Variants in PLEKHM1 observed in about 807,000 individuals in gnomAD.
The protein encoded by PLEKHM1 is pleckstrin homology domain-containing family M member 1.
Under a neutral mutation model 94.3 loss-of-function variants are expected in PLEKHM1, and 28 were observed. The ratio of observed to expected loss-of-function variants is 0.30; its 90% CI spans 0.22 to 0.41. PLEKHM1 has a LOEUF of 0.41. Among genes scored for constraint, PLEKHM1 ranks in the 10% least tolerant of loss-of-function variants. The probability of loss-of-function intolerance (pLI) is 1.00; values close to 1 mark genes in which losing one functional copy is unlikely to be tolerated. For synonymous variants in PLEKHM1, 424 were observed against 581.2 expected, an observed-to-expected ratio of 0.73 and a Z score of 3.89; for missense variants, 907 against 1,358.6, an observed-to-expected ratio of 0.67 and a Z score of 5.22.
intron 5 of PLEKHM1, among the ~76,000 whole-genome samples, chr17:45,461,647 G>T (rs2051155082): frequency 6.6e-6 from 1 of 152,108 alleles, no homozygotes; most frequent in African/African-American, 2.4e-5. Context: ...CCTGCTTTTG[G>T]GTTTGAGATG....
At chr17:45,435,604 G>A (rs1458073753), downstream of PLEKHM1, among the ~76,000 whole-genome samples, 4 of 152,194 alleles carry the variant, frequency 2.6e-5, no homozygotes, top group Admixed American at 6.5e-5. Context: ...AGAAGCCACC[G>A]GCGTGGGATC....
At chr17:45,462,137 C>T (rs2051170165) in intron 5 of PLEKHM1, among the ~76,000 whole-genome samples, 2 of 152,138 alleles carry the variant, frequency 1.3e-5, no homozygotes, top group African/African-American at 2.4e-5. Context: ...AGATGCTACA[C>T]GACTCCTCAA....
At chr17:45,482,828 T>C (rs1356085464) in intron 1 of PLEKHM1, among the ~76,000 whole-genome samples, 2 of 151,716 alleles carry the variant, frequency 1.3e-5, no homozygotes, top group Non-Finnish European at 2.9e-5. Context: ...CCCTGTAGGA[T>C]TGAAACCTGT....
chr17:45,441,833 G>A (rs796246966), intron 9 of PLEKHM1, among the ~76,000 whole-genome samples: 47 of 152,316 alleles, frequency 3.1e-4, no homozygotes, highest in African/African-American at 8.9e-4. Context: ...GTCCTCTGGC[G>A]TGAGGCTGGC....
At chr17:45,439,863 G>A (rs958631221) in intron 10 of PLEKHM1, among the ~76,000 whole-genome samples, 17 of 152,200 alleles carry the variant, frequency 1.1e-4, no homozygotes, top group African/African-American at 3.9e-4. Flanking sequence ...GGGGCTAATG[G>A]GATTTATAGC....
rs1165096207 is a variant in PLEKHM1, at chr17:45,458,213, G to C, written c.1535C>G (p.Ser512Cys). 1.9e-6 allele frequency: 3 copies of C among 1,613,550 alleles called. No homozygotes were observed. The South Asian group carries it at 3.3e-5, about 18-fold the overall frequency. The change falls in exon 6 of 12, where the codon TCC (serine) becomes TGC (cysteine). Residue 512 changes from serine to cysteine, a missense_variant. By Grantham distance (112) the Ser-to-Cys change is moderately radical. Transcript: ENST00000430334. ...PGRRQAQAAP[S>C]QGHKSFRVVH... Reference sequence around the variant, plus strand: ...CACCCGGAAGCTCTTATGCCCCTGGGATGGGGCTGCCTGGGCTTGCCTTCT... The same window carrying C: ...CACCCGGAAGCTCTTATGCCCCTGGCATGGGGCTGCCTGGGCTTGCCTTCT...
chr17:45,436,174 C>T lies in PLEKHM1; in HGVS notation c.*1684G>A. On this transcript the variant is annotated 3_prime_UTR_variant, in exon 12 of 12. Coordinates refer to ENST00000430334, the MANE Select transcript of PLEKHM1 (RefSeq NM_014798.3). Reference sequence around the variant, plus strand: ...CTCCGAGGGCACCTTCGGGGAGAATCCTCACAGGCCCAAGCCCTCCCCAGG... The same window carrying T: ...CTCCGAGGGCACCTTCGGGGAGAATTCTCACAGGCCCAAGCCCTCCCCAGG... 2.2e-6 allele frequency: 1 copy of T among 455,006 alleles called. No individual in the cohort carries two copies. Among genetic ancestry groups the T allele is most frequent in the South Asian group, 1.6e-5 (1 of 64,512 alleles). The allele number at this position is 455,006 out of a possible 1,614,324, so 28.2% of individuals were successfully genotyped here. A position where few individuals can be genotyped will look rare whatever the true frequency, so the allele number is the denominator to read the frequency against.
At chr17:45,486,319 A>C (rs999745884) in intron 1 of PLEKHM1, among the ~76,000 whole-genome samples, 2 of 151,310 alleles carry the variant, frequency 1.3e-5, no homozygotes, top group African/African-American at 4.8e-5. Context: ...GCGGTGGCTC[A>C]CGCCTGTAAT....
intron 8 of PLEKHM1, among the ~76,000 whole-genome samples, chr17:45,448,290 G>A (rs1025002742): frequency 3.3e-5 from 5 of 152,250 alleles, no homozygotes; most frequent in East Asian, 1.9e-4. Flanking sequence ...CACTGAGAGC[G>A]AGGGCGGGGA....
intron 1 of PLEKHM1, chr17:45,487,617 A>T: frequency 2.3e-6 from 1 of 436,474 alleles, no homozygotes; most frequent in South Asian, 1.6e-5. Flanking sequence ...AGGAAGGAAC[A>T]GTTCCGGTTG....
In PLEKHM1 at chr17:45,475,621, G is replaced by A. The variant is rs1351985524; in HGVS notation, c.402C>T (p.Tyr134=). 1.2e-6 allele frequency: 2 copies of A among 1,614,062 alleles called. No individual in the cohort carries two copies. The highest frequency in any genetic ancestry group is 1.7e-6 in the Non-Finnish European group (2 of 1,179,978). ...LALNDGLMEC[Y]LKLLLQEQAR... is the part of the protein sequence containing the mutation. Reference sequence around the variant, plus strand: ...CCTGCTCCTGCAGCAGCAGCTTCAGGTAGCACTCCATCAGGCCATCGTTCA... The same window carrying A: ...CCTGCTCCTGCAGCAGCAGCTTCAGATAGCACTCCATCAGGCCATCGTTCA... Residue 134 remains tyrosine, a synonymous_variant, in exon 4 of 12, where the codon TAC becomes TAT. Transcript: ENST00000430334.
intron 1 of PLEKHM1, among the ~76,000 whole-genome samples, chr17:45,486,322 C>A (rs1031180069): frequency 5.3e-5 from 8 of 151,238 alleles, no homozygotes; most frequent in Non-Finnish European, 1.0e-4. Context: ...GTGGCTCACG[C>A]CTGTAATCCC....
At chr17:45,463,594 T>C (rs1442051087) in intron 5 of PLEKHM1, among the ~76,000 whole-genome samples, 2 of 152,198 alleles carry the variant, frequency 1.3e-5, no homozygotes, top group Non-Finnish European at 2.9e-5. Flanking sequence ...GGTTTCACCA[T>C]ATTGGTCAGG....
intron 6 of PLEKHM1, chr17:45,454,657 A>G (rs1197828717): frequency 4.7e-6 from 2 of 428,934 alleles, no homozygotes; most frequent in African/African-American, 4.0e-5. Flanking sequence ...AAGGACAAGG[A>G]GCAGTCCTCT....
At chr17:45,440,619 T>C (rs1373239437) in intron 9 of PLEKHM1, among the ~76,000 whole-genome samples, 2 of 152,236 alleles carry the variant, frequency 1.3e-5, no homozygotes, top group African/African-American at 4.8e-5. Context: ...CATTCATTCA[T>C]TTGATCCTCA....
intron 1 of PLEKHM1, among the ~76,000 whole-genome samples, chr17:45,490,012 T>A: frequency 1.3e-5 from 2 of 152,122 alleles, no homozygotes; most frequent in Admixed American, 1.3e-4. Flanking sequence ...AGGTATACAG[T>A]GGCTAGGAGA....
intron 4 of PLEKHM1, among the ~76,000 whole-genome samples, chr17:45,474,462 C>T (rs1285657135): frequency 2.0e-5 from 3 of 152,228 alleles, no homozygotes; most frequent in African/African-American, 7.2e-5. Context: ...CTGTCCCCAC[C>T]TGTCCACCAC....
At chr17:45,464,362 A>G (rs1482347384) in intron 5 of PLEKHM1, among the ~76,000 whole-genome samples, 3 of 152,238 alleles carry the variant, frequency 2.0e-5, no homozygotes, top group East Asian at 1.9e-4. Context: ...AAATGTTTTT[A>G]AAAGAAAGAC....
At chr17:45,489,885 A>T (rs2052254315) in intron 1 of PLEKHM1, among the ~76,000 whole-genome samples, 1 of 151,954 alleles carries the variant, frequency 6.6e-6, no homozygotes, top group African/African-American at 2.4e-5. Flanking sequence ...GGACATGGAG[A>T]TGTCATTTTT....
Sources: allele counts gnomAD v4.1 joint callset (sites outside exome capture counted in the v4.1 genomes callset), GRCh38; gene constraint gnomAD v4.1.1; transcripts MANE v1.5; gene names NCBI Gene and HGNC (gene_info 2026-07-23, HGNC 2026-07-21).